The following CSMD2 variants were observed in gnomAD, a reference collection of about 807,000 sequenced individuals.
The protein encoded by CSMD2 is CUB and Sushi multiple domains 2, also known as CUB and sushi domain-containing protein 2.
A neutral mutation model predicts 398.5 loss-of-function variants in CSMD2; 130 were observed. The ratio of observed to expected loss-of-function variants is 0.33; its 90% CI spans 0.28 to 0.38. The LOEUF (loss-of-function observed/expected upper bound fraction) is 0.38. CSMD2 is among the 10% of genes least tolerant of loss of function. CSMD2 has a pLI of 1.00. For missense variants in CSMD2, 3,829 were observed against 4,764.9 expected (o/e 0.80, Z 5.78); for synonymous variants, 1,828 against 1,908.5 (o/e 0.96, Z 1.10).
chr1:33,855,115 G>A (rs187285691), intron 5 of CSMD2, among the ~76,000 whole-genome samples: 1 of 152,286 alleles, frequency 6.6e-6, no homozygotes, highest in East Asian at 1.9e-4. Context: ...AGAGGCTTGT[G>A]GGTGGATCCC....
intron 3 of CSMD2, among the ~76,000 whole-genome samples, chr1:33,967,966 C>T (rs1645621439): frequency 1.3e-5 from 2 of 152,186 alleles, no homozygotes; most frequent in South Asian, 4.1e-4. Flanking sequence ...GATCCCATCA[C>T]TGCAGGAGTA....
chr1:33,946,767 CA>C (rs577229163), intron 3 of CSMD2, among the ~76,000 whole-genome samples: 1,752 of 118,998 alleles, frequency 0.015, 36 homozygotes, highest in African/African-American at 0.06. Flanking sequence ...TACAGGCGCG[CA>C]CCACCCACCA....
chr1:33,947,279 C>T (rs2125358257), intron 3 of CSMD2, among the ~76,000 whole-genome samples: 1 of 152,280 alleles, frequency 6.6e-6, no homozygotes, highest in East Asian at 1.9e-4. Context: ...GGGTGGGAGC[C>T]CTGCTCTGGG....
chr1:33,804,722 T>A (rs1656017095), intron 10 of CSMD2: 3 of 717,234 alleles, frequency 4.2e-6, no homozygotes, highest in Non-Finnish European at 5.2e-6. Flanking sequence ...GGATAGGCAG[T>A]CCTTGGATAC....
chr1:33,597,074 T>C (rs1268463882), intron 44 of CSMD2, among the ~76,000 whole-genome samples: 1 of 152,112 alleles, frequency 6.6e-6, no homozygotes, highest in Non-Finnish European at 1.5e-5. Flanking sequence ...TTCAAGGGCA[T>C]TTTTCTCTGT....
chr1:33,712,996 T>C (rs79022432), intron 21 of CSMD2, among the ~76,000 whole-genome samples: 4,597 of 152,326 alleles, frequency 0.03, 204 homozygotes, highest in African/African-American at 0.1. Flanking sequence ...TAATTGGTTA[T>C]TGATAAATAC....
At chr1:34,069,776 G>A (rs1437390240) in intron 2 of CSMD2, among the ~76,000 whole-genome samples, 2 of 152,210 alleles carry the variant, frequency 1.3e-5, no homozygotes, top group Non-Finnish European at 2.9e-5. Flanking sequence ...GGAGAAAGGA[G>A]GGGAAAGGGG....
chr1:34,106,753 T>C (rs1660565561), intron 1 of CSMD2, among the ~76,000 whole-genome samples: 1 of 152,148 alleles, frequency 6.6e-6, no homozygotes, highest in Non-Finnish European at 1.5e-5. Flanking sequence ...CACAAAACAA[T>C]GCATGGCAGG....
At chr1:34,019,342 C>G (rs1436149772) in intron 3 of CSMD2, among the ~76,000 whole-genome samples, 1 of 152,328 alleles carries the variant, frequency 6.6e-6, no homozygotes, top group South Asian at 2.1e-4. Flanking sequence ...GAACATTCAT[C>G]TATTCAGCAA....
chr1:33,938,588 C>A (rs1243042842), intron 3 of CSMD2, among the ~76,000 whole-genome samples: 1 of 151,368 alleles, frequency 6.6e-6, no homozygotes, highest in Non-Finnish European at 1.5e-5. Flanking sequence ...CTTGGCATTT[C>A]CCATGATACC....
At chr1:34,006,811 T>C (rs1264973348) in intron 3 of CSMD2, among the ~76,000 whole-genome samples, 1 of 152,018 alleles carries the variant, frequency 6.6e-6, no homozygotes, top group Non-Finnish European at 1.5e-5. Context: ...TGTGGAGTCG[T>C]AACTACCCCA....
At chr1:33,642,346 CAAAAAA>C (rs71029013) in intron 29 of CSMD2, among the ~76,000 whole-genome samples, 1 of 83,734 alleles carries the variant, frequency 1.2e-5, no homozygotes, top group Non-Finnish European at 2.4e-5. Flanking sequence ...CACTCTGTCT[CAAAAAA>C]AAAAAAAAAA....
At position 33,622,277 on chromosome 1, in the gene CSMD2, G is replaced by A. The variant is rs1447282158; in HGVS notation, c.5723-6C>T. 1 of 1,608,628 alleles carries A rather than the reference G, an allele frequency of 6.2e-7. No individual in the cohort carries two copies. The highest frequency in any genetic ancestry group is 2.2e-5 in the East Asian group (1 of 44,844). On this transcript the variant is annotated splice_polypyrimidine_tract_variant and splice_region_variant and intron_variant, in intron 36 of 70. Transcript: ENST00000373381. ...AAGGGCAGGCACGGTTGTTCCTAGG[G>A]CAAGGACACCAGGGAAAACCATTTA...
chr1:34,165,605 C>A (rs960293792), upstream of CSMD2: 4 of 725,390 alleles, frequency 5.5e-6, no homozygotes, highest in African/African-American at 4.4e-5. Flanking sequence ...CACAAACACA[C>A]ACACACACAC....
At chr1:34,009,485 C>T (rs1647175178) in intron 3 of CSMD2, among the ~76,000 whole-genome samples, 1 of 151,890 alleles carries the variant, frequency 6.6e-6, no homozygotes, top group Non-Finnish European at 1.5e-5. Context: ...ACTCCTGGAG[C>T]CTCTGACCCC....
chr1:33,594,988 T>C (rs1333980853), intron 44 of CSMD2, among the ~76,000 whole-genome samples: 1 of 152,236 alleles, frequency 6.6e-6, no homozygotes, highest in East Asian at 1.9e-4. Flanking sequence ...TCTTAGTGTA[T>C]TTCCTACAAA....
chr1:34,163,564 A>G lies in CSMD2; in HGVS notation c.187+1347T>C, dbSNP rs1243006575. Reference sequence around the variant, plus strand: ...AGAGCTCGCCACTCACTGACCTGCCAGAGGAGAGGCGCACTTTCCCAAGAA... The same window carrying G: ...AGAGCTCGCCACTCACTGACCTGCCGGAGGAGAGGCGCACTTTCCCAAGAA... On this transcript the variant is annotated intron_variant, in intron 1 of 70. Coordinates refer to ENST00000373381, the MANE Select transcript of CSMD2 (RefSeq NM_001281956.2). This position sits in a 1 kb window ranked among gnomAD's most constrained non-coding sequence, Gnocchi z 5.4. Among the ~76,000 whole-genome samples, 1 of 152,206 alleles carries G rather than the reference A, an allele frequency of 6.6e-6. No homozygotes were observed. The highest frequency in any genetic ancestry group is 1.5e-5 in the Non-Finnish European group (1 of 68,024).
At chr1:33,788,559 CTCCCAGGACACAGTTCA>C (rs1653834651) in intron 12 of CSMD2, 24 bp downstream of exon 12, 1 of 1,062,774 alleles carries the variant, frequency 9.4e-7, no homozygotes, top group South Asian at 1.3e-5. Flanking sequence ...CCGTCTCTGA[CTCCCAGGACACAGTTCA>C]TCTGGCTTGC....
intron 3 of CSMD2, among the ~76,000 whole-genome samples, chr1:34,030,795 C>T (rs1466148732): frequency 5.3e-5 from 8 of 152,170 alleles, no homozygotes; most frequent in Admixed American, 5.2e-4. Context: ...GAGCCTAGGG[C>T]CCGGCCAGTT....
Sources: allele counts gnomAD v4.1 joint callset (sites outside exome capture counted in the v4.1 genomes callset), GRCh38; gene constraint gnomAD v4.1.1; non-coding constraint Gnocchi (gnomAD v3.1); transcripts MANE v1.5; gene names NCBI Gene and HGNC (gene_info 2026-07-23, HGNC 2026-07-21).